The following MAPK10 variants were observed in gnomAD, a reference collection of about 807,000 sequenced individuals.
MAPK10 encodes the protein JNK3 alpha protein kinase.
A neutral mutation model predicts 59.3 loss-of-function variants in MAPK10; 25 were observed. The ratio of observed to expected loss-of-function variants is 0.42; its 90% confidence interval spans 0.31 to 0.59. MAPK10 has a LOEUF of 0.59. MAPK10 is among the 20% of genes least tolerant of loss of function. The pLI, the probability that MAPK10 is intolerant of heterozygous loss-of-function variation, is 0.15. For synonymous variants in MAPK10, 190 were observed against 200.5 expected, an observed-to-expected ratio of 0.95 and a Z score of 0.44; for missense variants, 351 against 568.9, an observed-to-expected ratio of 0.62 and a Z score of 3.90.
chr4:86,124,427 T>C lies in MAPK10; in HGVS notation c.237-17075A>G, dbSNP rs559372300. On this transcript the variant is annotated intron_variant, in intron 4 of 13. Transcript: ENST00000641462. ...TTCTTGGCATTTCTCATACTTACTA[T>C]TGAAAAATAACTTTTTATACATAAG... is the stretch of plus-strand genomic sequence containing the variant. 2.0e-5 allele frequency: 3 copies of C among 152,110 alleles called. No homozygotes were observed. In the East Asian group the frequency reaches 5.8e-4, roughly 29 times the overall value. 9.4% of individuals were successfully genotyped at this position (152,110 alleles called of 1,614,324 possible).
intron 1 of MAPK10, among the ~76,000 whole-genome samples, chr4:86,502,416 G>A (rs1476370521): frequency 6.6e-6 from 1 of 151,934 alleles, no homozygotes; most frequent in Non-Finnish European, 1.5e-5. Flanking sequence ...ATTCTCCAAA[G>A]TAAAGCTAAA....
In MAPK10 at chr4:86,287,799, T is replaced by C. The variant is rs574331108; in HGVS notation, c.-7+66731A>G. 3.3e-5 allele frequency among the ~76,000 whole-genome samples: 5 copies of C among 152,352 alleles called. No homozygotes were observed. The South Asian group carries it at 1.0e-3, about 32-fold the overall frequency. On this transcript the variant is annotated intron_variant, in intron 2 of 13. Coordinates refer to ENST00000641462, the MANE Select transcript of MAPK10 (RefSeq NM_138982.4). ...GAGTAAAGATACAGCTTAGAATTTG[T>C]CTAAAAGTCTGATCTAATGTTTCTT...
intron 1 of MAPK10, among the ~76,000 whole-genome samples, chr4:86,537,125 G>A (rs945956447): frequency 6.6e-6 from 1 of 152,214 alleles, no homozygotes; most frequent in Non-Finnish European, 1.5e-5. Flanking sequence ...CAGTAGCCCT[G>A]CAGGGAATGT....
At chr4:86,462,971 C>T (rs959949522) in intron 1 of MAPK10, among the ~76,000 whole-genome samples, 1 of 152,138 alleles carries the variant, frequency 6.6e-6, no homozygotes, top group African/African-American at 2.4e-5. Context: ...AAATGGTTAA[C>T]AGATAAGCCA....
intron 4 of MAPK10, among the ~76,000 whole-genome samples, chr4:86,145,644 CTCTG>C (rs1217103590): frequency 6.6e-6 from 1 of 152,140 alleles, no homozygotes. Context: ...TCCTACATCT[CTCTG>C]TCTGTGTGTT....
chr4:86,178,385 G>T (rs2076160807), intron 3 of MAPK10, among the ~76,000 whole-genome samples: 1 of 151,986 alleles, frequency 6.6e-6, no homozygotes, highest in Non-Finnish European at 1.5e-5. Context: ...GAACTCTAAG[G>T]AGTAGGGTTT....
chr4:86,183,029 T>C (rs1424477187), intron 3 of MAPK10, among the ~76,000 whole-genome samples: 1 of 152,150 alleles, frequency 6.6e-6, no homozygotes, highest in Non-Finnish European at 1.5e-5. Flanking sequence ...TTCTGTATTT[T>C]AAAAAATGGC....
chr4:86,521,690 C>T (rs1166521499), intron 1 of MAPK10, among the ~76,000 whole-genome samples: 2 of 152,100 alleles, frequency 1.3e-5, no homozygotes, highest in Non-Finnish European at 2.9e-5. Context: ...AGCTGGTGGG[C>T]AGGGCTGAGA....
chr4:86,433,550 T>G (rs1480014634), intron 1 of MAPK10, among the ~76,000 whole-genome samples: 2 of 147,140 alleles, frequency 1.4e-5, no homozygotes, highest in African/African-American at 2.6e-5. Flanking sequence ...AGTCTGGGCC[T>G]TCTTCTTTTT....
chr4:86,564,467 C>T (rs1760914789), intron 1 of MAPK10, among the ~76,000 whole-genome samples: 1 of 152,156 alleles, frequency 6.6e-6, no homozygotes, highest in Non-Finnish European at 1.5e-5. Context: ...ACATCTTTCC[C>T]TCTCCCATCT....
intron 1 of MAPK10, among the ~76,000 whole-genome samples, chr4:86,373,968 C>A (rs1351695552): frequency 6.6e-6 from 1 of 152,082 alleles, no homozygotes; most frequent in Non-Finnish European, 1.5e-5. Context: ...ATGTTTATTG[C>A]AGCACTGTTC....
intron 4 of MAPK10, among the ~76,000 whole-genome samples, chr4:86,156,300 T>C (rs1650750646): frequency 6.6e-6 from 1 of 152,094 alleles, no homozygotes; most frequent in African/African-American, 2.4e-5. Context: ...TTGGTTAACA[T>C]AAAATGTATC....
At chr4:86,027,153 A>C (rs1750741550) in intron 13 of MAPK10, 1 of 152,236 alleles carries the variant, frequency 6.6e-6, no homozygotes, top group Non-Finnish European at 1.5e-5. Flanking sequence ...CACGAAAGAG[A>C]AAGTCATACT....
intron 3 of MAPK10, among the ~76,000 whole-genome samples, chr4:86,180,429 T>G (rs2149280888): frequency 6.6e-6 from 1 of 151,006 alleles, no homozygotes; most frequent in South Asian, 2.1e-4. Flanking sequence ...ATATAGCTTC[T>G]TCAAAAAACT....
intron 2 of MAPK10, among the ~76,000 whole-genome samples, chr4:86,317,333 C>T (rs1321571403): frequency 6.6e-6 from 1 of 152,162 alleles, no homozygotes; most frequent in East Asian, 1.9e-4. Flanking sequence ...CGTTCAGGCT[C>T]TTCTCCCTCC....
At chr4:86,037,240 G>C (rs1486703288) in intron 11 of MAPK10, among the ~76,000 whole-genome samples, 2 of 152,160 alleles carry the variant, frequency 1.3e-5, no homozygotes, top group African/African-American at 4.8e-5. Context: ...AGCTTTCGAA[G>C]GTAAAAGTTG....
chr4:86,294,364 T>G (rs2095304420), intron 2 of MAPK10, among the ~76,000 whole-genome samples: 1 of 152,174 alleles, frequency 6.6e-6, no homozygotes, highest in Non-Finnish European at 1.5e-5. Flanking sequence ...AATTTTTGCT[T>G]CCATGGTATA....
chr4:86,392,258 G>A (rs763499075), intron 1 of MAPK10: 1 of 152,388 alleles, frequency 6.6e-6, no homozygotes, highest in African/African-American at 2.4e-5. Flanking sequence ...GGCCAATGTG[G>A]TGAAACTCCA....
At chr4:86,546,582 A>C (rs1170924157) in intron 1 of MAPK10, among the ~76,000 whole-genome samples, 1 of 151,748 alleles carries the variant, frequency 6.6e-6, no homozygotes, top group Non-Finnish European at 1.5e-5. Context: ...AGAAGAAAGA[A>C]TTTCAAGGTG....
Sources: gnomAD v4.1 joint callset for allele counts (sites outside exome capture counted in the v4.1 genomes callset) on GRCh38, gnomAD v4.1.1 for gene constraint, MANE v1.5 for transcripts, NCBI Gene and HGNC (gene_info 2026-07-23, HGNC 2026-07-21) for gene names.